Variants in USP25 observed in about 807,000 individuals in gnomAD.
USP25 encodes ubiquitin specific peptidase 25.
USP25 carries 85 observed loss-of-function variants against 158.5 expected under a neutral mutation model. The ratio of observed to expected loss-of-function variants is 0.54; its 90% CI spans 0.45 to 0.64. USP25 has a LOEUF of 0.64. Ranked by LOEUF, USP25 falls within the 30% of genes least tolerant of loss-of-function variation. USP25 has a pLI of 0.00. For synonymous variants in USP25, 464 were observed against 460.4 expected (o/e 1.01, Z -0.10); for missense variants, 1,242 against 1,327.3 (o/e 0.94, Z 1.00).
At chr21:15,807,822 A>G (rs953716258) in intron 7 of USP25, among the ~76,000 whole-genome samples, 1 of 152,176 alleles carries the variant, frequency 6.6e-6, no homozygotes, top group Non-Finnish European at 1.5e-5. Context: ...CATTTTGAGG[A>G]TCTAGGTGGA....
chr21:15,782,207 C>T (rs570442018), intron 4 of USP25, among the ~76,000 whole-genome samples: 2 of 152,294 alleles, frequency 1.3e-5, no homozygotes, highest in East Asian at 3.9e-4. Context: ...CTCTAGCTGG[C>T]CTGGAGGTGG....
intron 23 of USP25, among the ~76,000 whole-genome samples, chr21:15,872,097 A>C (rs1420369744): frequency 6.7e-6 from 1 of 148,600 alleles, no homozygotes; most frequent in Non-Finnish European, 1.5e-5. Context: ...AAATATTGCC[A>C]AAAGATTCTG....
intron 15 of USP25, among the ~76,000 whole-genome samples, chr21:15,830,903 A>C (rs1310536564): frequency 6.6e-6 from 1 of 152,162 alleles, no homozygotes; most frequent in Non-Finnish European, 1.5e-5. Context: ...AGTTTTTCAA[A>C]AGGCTATAGC....
intron 23 of USP25, among the ~76,000 whole-genome samples, chr21:15,871,248 C>T (rs1029224770): frequency 2.0e-5 from 3 of 152,138 alleles, no homozygotes; most frequent in African/African-American, 4.8e-5. Flanking sequence ...GATAATTTCA[C>T]TTTAGTCATT....
Position 15,816,727 on chromosome 21 carries a change from T to C in USP25, c.932-1971T>C, listed in dbSNP as rs1448411761. On this transcript the variant is annotated intron_variant, in intron 9 of 25. Coordinates refer to ENST00000400183, the MANE Select transcript of USP25 (RefSeq NM_001283041.3). This position sits in a 1 kb window ranked among gnomAD's most constrained non-coding sequence, Gnocchi z 4.0. ...TCTTAGTTACAGATTCATATTCAAC[T>C]GTCTTCTCAAATTGAAATCTCATGG... 6.6e-6 allele frequency among the ~76,000 whole-genome samples: 1 copy of C among 152,178 alleles called. No individual in the cohort carries two copies. Among genetic ancestry groups the C allele is most frequent in the Admixed American group, 6.5e-5 (1 of 15,282 alleles).
Position 15,791,647 on chromosome 21 carries a change from T to C in USP25, c.538T>C (p.Phe180Leu). ...GLKNVGNTCW[F>L]SAVIQSLFNL... ...AAAGAATGTTGGCAATACTTGTTGG[T>C]TTAGTGCTGTTATTCAGGTAAGGAT... Residue 180 changes from phenylalanine to leucine, a missense_variant, in exon 5 of 26, where the codon TTT becomes CTT. Around this residue, in one of 3 missense-constraint regions of USP25, gnomAD observed 627 missense variants for 701.4 expected, o/e 0.89. Transcript: ENST00000400183. The C allele has an allele frequency of 1.9e-6, 3 of 1,609,132 alleles. No homozygotes were observed. The highest frequency in any genetic ancestry group is 2.2e-5 in the East Asian group (1 of 44,728).
At chr21:15,877,253 T>C (rs2040135848) in intron 24 of USP25, 1 of 152,382 alleles carries the variant, frequency 6.6e-6, no homozygotes, top group Non-Finnish European at 1.5e-5. Flanking sequence ...GTTTTCTGTA[T>C]TAATCACTTG....
At chr21:15,807,999 G>A (rs903083697) in intron 7 of USP25, among the ~76,000 whole-genome samples, 5 of 152,144 alleles carry the variant, frequency 3.3e-5, no homozygotes, top group African/African-American at 9.7e-5. Context: ...TATAAAGTTG[G>A]CCTACATGCT....
At chr21:15,771,740 C>T (rs1304826475) in intron 3 of USP25, among the ~76,000 whole-genome samples, 1 of 151,432 alleles carries the variant, frequency 6.6e-6, no homozygotes, top group African/African-American at 2.4e-5. Flanking sequence ...ATTTGGTTTG[C>T]AGATCTGTCA....
chr21:15,792,005 G>C (rs1397634339), intron 5 of USP25, among the ~76,000 whole-genome samples: 1 of 151,692 alleles, frequency 6.6e-6, no homozygotes, highest in Non-Finnish European at 1.5e-5. Flanking sequence ...TTTGAAACTA[G>C]AACTGGCTTT....
At chr21:15,757,520 G>A (rs28725201) in intron 1 of USP25, among the ~76,000 whole-genome samples, 27,561 of 152,060 alleles carry the variant, frequency 0.18, 2,823 homozygotes, top group African/African-American at 0.28. Context: ...TATTCTTATT[G>A]CACTTTATCA....
At chr21:15,852,247 C>A (rs2038923088) in intron 20 of USP25, among the ~76,000 whole-genome samples, 1 of 152,042 alleles carries the variant, frequency 6.6e-6, no homozygotes, top group African/African-American at 2.4e-5. Context: ...TCATCATACT[C>A]CCTTTCTTGC....
intron 1 of USP25, among the ~76,000 whole-genome samples, chr21:15,735,779 A>C (rs2031433325): frequency 6.6e-6 from 1 of 152,194 alleles, no homozygotes; most frequent in South Asian, 2.1e-4. Flanking sequence ...GATTTGGTGA[A>C]CATGACTGTA....
chr21:15,735,687 A>T (rs931332815), intron 1 of USP25, among the ~76,000 whole-genome samples: 10 of 152,134 alleles, frequency 6.6e-5, no homozygotes, highest in African/African-American at 2.4e-4. Context: ...GATTATGTTG[A>T]GTCATTCAAA....
intron 9 of USP25, among the ~76,000 whole-genome samples, chr21:15,817,923 GA>G (rs1568844600): frequency 1.3e-5 from 2 of 151,984 alleles, no homozygotes; most frequent in African/African-American, 4.8e-5. Context: ...ATGTGGTGGG[GA>G]AAAAAATTCT....
intron 1 of USP25, among the ~76,000 whole-genome samples, chr21:15,736,026 G>A (rs1181819098): frequency 1.3e-5 from 2 of 150,496 alleles, no homozygotes; most frequent in Non-Finnish European, 3.0e-5. Flanking sequence ...ATATATATAT[G>A]TATGTAGACA....
intron 18 of USP25, 111 bp from the exon 19 acceptor site, chr21:15,847,552 T>A: frequency 1.5e-6 from 1 of 671,238 alleles, no homozygotes; most frequent in Non-Finnish European, 2.6e-6. Flanking sequence ...ATAAGTCATA[T>A]GGATACAGGG....
At chr21:15,732,148 T>C (rs559662652) in intron 1 of USP25, among the ~76,000 whole-genome samples, 1 of 152,246 alleles carries the variant, frequency 6.6e-6, no homozygotes, top group Non-Finnish European at 1.5e-5. Context: ...TCCAATTTCC[T>C]ACTTTAATGA....
chr21:15,875,854 G>A lies in USP25; in HGVS notation c.3009+1328G>A, dbSNP rs959652132. On this transcript the variant is annotated intron_variant, in intron 24 of 25. Coordinates refer to ENST00000400183, the MANE Select transcript of USP25 (RefSeq NM_001283041.3). This position sits in a 1 kb window ranked among gnomAD's most constrained non-coding sequence, Gnocchi z 4.7. Reference sequence around the variant, plus strand: ...CACCAGTGTAAGTTTGATTAGGTTTGGCATAATGAGGTTTGTTTTCAGAAA... The same window carrying A: ...CACCAGTGTAAGTTTGATTAGGTTTAGCATAATGAGGTTTGTTTTCAGAAA... 5 of 152,140 alleles carry A rather than the reference G, an allele frequency of 3.3e-5. No individual in the cohort carries two copies. The highest frequency in any genetic ancestry group is 1.2e-4 in the African/African-American group (5 of 41,436). The allele number at this position is 152,140 out of a possible 1,614,324, so 9.4% of individuals were successfully genotyped here.
Sources: gnomAD v4.1 joint callset for allele counts (sites outside exome capture counted in the v4.1 genomes callset) on GRCh38, gnomAD v4.1.1 for gene constraint, gnomAD v4.1.1 regional missense constraint, Gnocchi (gnomAD v3.1) non-coding constraint, MANE v1.5 for transcripts, NCBI Gene and HGNC (gene_info 2026-07-23, HGNC 2026-07-21) for gene names.